The following PATJ variants were observed in gnomAD, a reference collection of about 807,000 sequenced individuals.
PATJ encodes PATJ crumbs cell polarity complex component.
Under a neutral mutation model 224.9 loss-of-function variants are expected in PATJ, and 190 were observed. That is an observed-to-expected ratio of 0.84 (90% CI 0.75 to 0.95). PATJ has a LOEUF of 0.95. PATJ is among the 40% of genes least tolerant of loss of function. The probability of loss-of-function intolerance (pLI) is 0.00; values close to 1 mark genes in which losing one functional copy is unlikely to be tolerated. For synonymous variants in PATJ, 769 were observed against 820.3 expected (o/e 0.94, Z 1.07); for missense variants, 2,121 against 2,270.3 (o/e 0.93, Z 1.34).
At chr1:61,904,821 C>T (rs1470647266) in intron 24 of PATJ, among the ~76,000 whole-genome samples, 1 of 152,176 alleles carries the variant, frequency 6.6e-6, no homozygotes, top group East Asian at 1.9e-4. Context: ...TATGTTATTT[C>T]ACAATTGTCT....
intron 32 of PATJ, among the ~76,000 whole-genome samples, chr1:62,080,754 C>A (rs1659161839): frequency 6.6e-6 from 1 of 151,732 alleles, no homozygotes; most frequent in South Asian, 2.1e-4. Flanking sequence ...TGGTATTTGC[C>A]TTTTATATAT....
At chr1:61,830,285 A>T (rs2148772980) in intron 16 of PATJ, among the ~76,000 whole-genome samples, 1 of 152,328 alleles carries the variant, frequency 6.6e-6, no homozygotes, top group South Asian at 2.1e-4. Context: ...GAACAAAATA[A>T]CTGGAATACA....
At chr1:61,745,130 A>C (rs1043230572) in intron 1 of PATJ, among the ~76,000 whole-genome samples, 1 of 152,114 alleles carries the variant, frequency 6.6e-6, no homozygotes, top group Non-Finnish European at 1.5e-5. Context: ...TGGGGTAGGG[A>C]AACCCAGCAA....
At chr1:61,899,518 C>T in intron 22 of PATJ, 65 bp from the exon 23 acceptor site, 1 of 1,106,286 alleles carries the variant, frequency 9.0e-7, no homozygotes, top group Non-Finnish European at 1.3e-6. Flanking sequence ...TCAAAACCTT[C>T]CAAGGACCTT....
chr1:62,002,633 C>T lies in PATJ; in HGVS notation c.3867+12269C>T, dbSNP rs1191494081. 4.7e-5 allele frequency among the ~76,000 whole-genome samples: 7 copies of T among 149,264 alleles called. No homozygotes were observed. The East Asian group carries it at 8.1e-4, about 17-fold the overall frequency. ...CTGAGGCAGGAGAATCACTTGAACC[C>T]GGGAGGCAGAGGTTGCAGTGAGCCA... On this transcript the variant is annotated intron_variant, in intron 28 of 43. Coordinates refer to ENST00000642238, the MANE Select transcript of PATJ (RefSeq NM_001350145.3).
At chr1:61,825,576 G>A (rs1658095995) in intron 15 of PATJ, among the ~76,000 whole-genome samples, 2 of 152,044 alleles carry the variant, frequency 1.3e-5, no homozygotes, top group South Asian at 4.1e-4. Context: ...TTTGGGGTTA[G>A]AACACTGTGC....
chr1:62,059,276 G>T (rs1465609383), intron 31 of PATJ, among the ~76,000 whole-genome samples: 1 of 152,138 alleles, frequency 6.6e-6, no homozygotes, highest in Non-Finnish European at 1.5e-5. Flanking sequence ...TTCAACAGAG[G>T]ATTATAAAGA....
intron 20 of PATJ, among the ~76,000 whole-genome samples, chr1:61,865,771 G>A (rs778419666): frequency 2.6e-5 from 4 of 152,150 alleles, no homozygotes; most frequent in Non-Finnish European, 5.9e-5. Flanking sequence ...ATGTTCATAT[G>A]CAGCGTGTTG....
chr1:62,136,025 T>TTTTA (rs1666823372), intron 41 of PATJ, among the ~76,000 whole-genome samples: 1 of 137,924 alleles, frequency 7.3e-6, no homozygotes, highest in Admixed American at 7.4e-5. Context: ...ATTTTTTTTT[T>TTTTA]TTTTTTTTTT....
At chr1:62,134,880 A>G (rs1446808707) in intron 41 of PATJ, among the ~76,000 whole-genome samples, 1 of 152,144 alleles carries the variant, frequency 6.6e-6, no homozygotes, top group Non-Finnish European at 1.5e-5. Context: ...GGAACAAATC[A>G]GCACAGTTAC....
intron 31 of PATJ, among the ~76,000 whole-genome samples, chr1:62,056,155 A>G (rs559594122): frequency 2.0e-5 from 3 of 152,168 alleles, no homozygotes; most frequent in Admixed American, 2.0e-4. Context: ...AATGCCCATC[A>G]TTTCTGGAAA....
At chr1:61,823,223 C>T in intron 15 of PATJ, 144 bp downstream of exon 15, 2 of 739,944 alleles carry the variant, frequency 2.7e-6, no homozygotes, top group Non-Finnish European at 4.4e-6. Context: ...GAACAGCTTA[C>T]TGGATGATAA....
chr1:61,791,500 T>C, intron 9 of PATJ, 53 bp downstream of exon 9: 1 of 1,119,802 alleles, frequency 8.9e-7, no homozygotes, highest in Non-Finnish European at 1.3e-6. Flanking sequence ...ATGTTAAGGT[T>C]TCTAGATAGT....
chr1:61,824,184 T>A (rs753308896), intron 15 of PATJ, among the ~76,000 whole-genome samples: 4 of 152,040 alleles, frequency 2.6e-5, no homozygotes, highest in African/African-American at 4.8e-5. Flanking sequence ...AGAAATGAGA[T>A]ATATTTGTTT....
intron 42 of PATJ, among the ~76,000 whole-genome samples, chr1:62,148,793 G>A (rs989258668): frequency 3.3e-5 from 5 of 152,052 alleles, no homozygotes; most frequent in African/African-American, 7.2e-5. Context: ...AGTTAAAGTT[G>A]TTCATTAAAG....
chr1:62,033,591 G>A (rs1322207541), intron 29 of PATJ, among the ~76,000 whole-genome samples: 1 of 152,142 alleles, frequency 6.6e-6, no homozygotes, highest in African/African-American at 2.4e-5. Flanking sequence ...ATCTGCTTGA[G>A]GGCAGGGCTG....
chr1:62,114,113 A>AC lies in PATJ; in HGVS notation c.4528dup (p.Gln1510ProfsTer9), dbSNP rs765992838. ...AGAAGCCATCACAGCCCTGAGGCAG[A>AC]CCCCCCAGAAGGTGCGGCTGGTGGT... On this transcript the variant is annotated frameshift_variant, in exon 35 of 44. Coordinates refer to ENST00000642238, the MANE Select transcript of PATJ (RefSeq NM_001350145.3). LOFTEE classifies it high-confidence loss of function. 5 of 1,613,950 alleles carry AC rather than the reference A, an allele frequency of 3.1e-6. No homozygotes were observed. Among genetic ancestry groups the AC allele is most frequent in the East Asian group, 2.2e-5 (1 of 44,862 alleles).
intron 5 of PATJ, among the ~76,000 whole-genome samples, chr1:61,770,814 G>A (rs12040587): frequency 0.25 from 38,545 of 151,588 alleles, 5,072 homozygotes; most frequent in East Asian, 0.42. Context: ...TGAGACTGAG[G>A]TGGGAGAATC....
intron 16 of PATJ, among the ~76,000 whole-genome samples, chr1:61,830,787 T>C (rs1659163202): frequency 6.6e-6 from 1 of 152,172 alleles, no homozygotes; most frequent in Admixed American, 6.5e-5. Context: ...GGGAATGGAC[T>C]TCTTATTTGG....
Sources: allele counts gnomAD v4.1 joint callset (sites outside exome capture counted in the v4.1 genomes callset), GRCh38; gene constraint gnomAD v4.1.1; transcripts MANE v1.5; gene names NCBI Gene and HGNC (gene_info 2026-07-23, HGNC 2026-07-21).